Variants in PLEKHA1 observed in about 807,000 individuals in gnomAD.
PLEKHA1 encodes the protein pleckstrin homology domain containing A1.
In PLEKHA1, 34 loss-of-function variants were observed where a neutral mutation model predicts 52.0. That is an observed-to-expected ratio of 0.65 (90% CI 0.50 to 0.87). PLEKHA1 has a LOEUF of 0.87. PLEKHA1 is among the 40% of genes least tolerant of loss of function. The pLI, the probability that PLEKHA1 is intolerant of heterozygous loss-of-function variation, is 0.00. For synonymous variants in PLEKHA1, 163 were observed against 170.7 expected (o/e 0.95, Z 0.35); for missense variants, 497 against 504.2 (o/e 0.99, Z 0.14).
intron 1 of PLEKHA1, among the ~76,000 whole-genome samples, chr10:122,384,558 G>A (rs1033088873): frequency 1.0e-4 from 15 of 146,616 alleles, no homozygotes; most frequent in Non-Finnish European, 1.9e-4. Flanking sequence ...GCAGTGCGCC[G>A]AGATCGTGCC....
intron 5 of PLEKHA1, among the ~76,000 whole-genome samples, chr10:122,409,763 A>C (rs1226464353): frequency 6.6e-6 from 1 of 150,822 alleles, no homozygotes; most frequent in African/African-American, 2.4e-5. Context: ...CATTATGACA[A>C]TTTCATTCTT....
chr10:122,441,687 CA>C, the PLEKHA1 span: 1 of 152,122 alleles, frequency 6.6e-6, no homozygotes, highest in African/African-American at 2.4e-5. Context: ...ACCAACTGAA[CA>C]TGAAACACAG....
intron 2 of PLEKHA1, among the ~76,000 whole-genome samples, chr10:122,396,913 T>C (rs1229861002): frequency 6.6e-6 from 1 of 152,118 alleles, no homozygotes; most frequent in Non-Finnish European, 1.5e-5. Context: ...TTATAAGATA[T>C]ATTATAAAAA....
At chr10:122,414,092 A>G (rs1200545728) in intron 6 of PLEKHA1, among the ~76,000 whole-genome samples, 1 of 152,126 alleles carries the variant, frequency 6.6e-6, no homozygotes, top group Non-Finnish European at 1.5e-5. Flanking sequence ...TTGGATAAAA[A>G]AATAAGCTAG....
At chr10:122,401,446 G>A (rs925894168) in intron 4 of PLEKHA1, among the ~76,000 whole-genome samples, 9 of 152,070 alleles carry the variant, frequency 5.9e-5, no homozygotes, top group African/African-American at 1.9e-4. Flanking sequence ...AGGAGAAGGA[G>A]GAAGGGTGAA....
chr10:122,422,811 G>A (rs1209897837), intron 8 of PLEKHA1: 1 of 152,136 alleles, frequency 6.6e-6, no homozygotes, highest in Non-Finnish European at 1.5e-5. Context: ...TTGCACTGTG[G>A]TTATGCAAGA....
chr10:122,413,960 A>G (rs1462925573), intron 6 of PLEKHA1, among the ~76,000 whole-genome samples: 2 of 152,104 alleles, frequency 1.3e-5, no homozygotes, highest in Non-Finnish European at 2.9e-5. Context: ...GATTAGTGGG[A>G]TTAGAAATCT....
rs770251129 is a variant in PLEKHA1 at position 122,429,816 on chromosome 10, G to T, written c.1093G>T (p.Glu365Ter). Residue 365 changes from glutamate to a stop codon, truncating the protein, a stop_gained, in exon 12 of 12, where the codon GAA becomes TAA. Transcript: ENST00000368990. LOFTEE classifies it high-confidence loss of function. ...CAAGGTCCAGACTGTCTCTCCAAGAGAACCAGCTTCCAAAGTGACTGAACA... is the reference window on the plus strand; with the variant it reads ...CAAGGTCCAGACTGTCTCTCCAAGATAACCAGCTTCCAAAGTGACTGAACA... The part of the protein sequence containing the change: ...NFKVQTVSPR[E>*]PASKVTEQAL... 1 of 1,614,170 alleles carries T rather than the reference G, an allele frequency of 6.2e-7. No individual in the cohort carries two copies. The highest frequency in any genetic ancestry group is 1.7e-5 in the Admixed American group (1 of 60,016).
At chr10:122,429,494 T>TTG (rs35620141) in intron 11 of PLEKHA1, 130 bp from the exon 12 acceptor site, 12,396 of 654,306 alleles carry the variant, frequency 0.019, 64 homozygotes, top group East Asian at 0.11. Flanking sequence ...GCTGCTGCCT[T>TTG]TGTGTGTGTG....
downstream of PLEKHA1, chr10:122,433,679 TA>T (rs1433957610): frequency 6.6e-6 from 1 of 152,216 alleles, no homozygotes; most frequent in Non-Finnish European, 1.5e-5. Flanking sequence ...TGTGTTCTAA[TA>T]TGCTGCTGCT....
chr10:122,389,128 C>T (rs2096741094), intron 1 of PLEKHA1, among the ~76,000 whole-genome samples: 1 of 152,210 alleles, frequency 6.6e-6, no homozygotes, highest in Admixed American at 6.5e-5. Flanking sequence ...AGAAAATTTT[C>T]AATTTACTTT....
At chr10:122,403,707 T>C (rs1367125217) in intron 4 of PLEKHA1, among the ~76,000 whole-genome samples, 1 of 152,264 alleles carries the variant, frequency 6.6e-6, no homozygotes, top group South Asian at 2.1e-4. Context: ...CCCTTTTTTT[T>C]TCTTTTGAGA....
At chr10:122,432,443 A>G (rs1274506676), downstream of PLEKHA1, 1 of 152,232 alleles carries the variant, frequency 6.6e-6, no homozygotes, top group Non-Finnish European at 1.5e-5. Context: ...CAGTTTACAT[A>G]TTTAAGGACA....
At chr10:122,382,593 G>C (rs1017268102) in intron 1 of PLEKHA1, among the ~76,000 whole-genome samples, 17 of 152,172 alleles carry the variant, frequency 1.1e-4, no homozygotes, top group African/African-American at 3.1e-4. Flanking sequence ...GTTCATTGAA[G>C]ATGCTTGTGT....
intron 1 of PLEKHA1, among the ~76,000 whole-genome samples, chr10:122,380,693 T>A (rs1399220984): frequency 6.6e-6 from 1 of 152,198 alleles, no homozygotes; most frequent in East Asian, 1.9e-4. Context: ...GTTGTCAACC[T>A]TGGCCGAACA....
At chr10:122,392,438 A>G (rs899648561) in intron 1 of PLEKHA1, 1 of 152,160 alleles carries the variant, frequency 6.6e-6, no homozygotes, top group Admixed American at 6.5e-5. Context: ...TTCACATGAT[A>G]GGTGATGTTT....
At chr10:122,436,821 A>T (rs1469809792), downstream of PLEKHA1, 4 of 152,124 alleles carry the variant, frequency 2.6e-5, no homozygotes, top group African/African-American at 7.2e-5. Context: ...AAATTTCTAA[A>T]TGTTGATTCA....
intron 4 of PLEKHA1, among the ~76,000 whole-genome samples, chr10:122,402,030 C>T (rs11592338): frequency 0.14 from 21,841 of 152,042 alleles, 1,720 homozygotes; most frequent in Middle Eastern, 0.2. Context: ...ATTTTGGTTA[C>T]GAAACAGGAA....
At chr10:122,409,784 CT>C (rs745429398) in intron 5 of PLEKHA1, among the ~76,000 whole-genome samples, 1,555 of 142,898 alleles carry the variant, frequency 0.011, 12 homozygotes, top group Middle Eastern at 0.018. Context: ...TCTTTTTATC[CT>C]TTTTTTTTTT....
Sources: gnomAD v4.1 joint callset for allele counts (sites outside exome capture counted in the v4.1 genomes callset) on GRCh38, gnomAD v4.1.1 for gene constraint, MANE v1.5 for transcripts, NCBI Gene and HGNC (gene_info 2026-07-23, HGNC 2026-07-21) for gene names.